Variants in THADA observed in about 807,000 individuals in gnomAD.
THADA encodes tRNA (32-2'-O)-methyltransferase regulator THADA.
Under a neutral mutation model 219.8 loss-of-function variants are expected in THADA, and 213 were observed. The ratio of observed to expected loss-of-function variants is 0.97; its 90% CI spans 0.87 to 1.09. THADA has a LOEUF of 1.09. Among genes scored for constraint, THADA ranks in the 50% least tolerant of loss-of-function variants. The probability of loss-of-function intolerance (pLI) is 0.00; values close to 1 mark genes in which losing one functional copy is unlikely to be tolerated. For synonymous variants in THADA, 1,018 were observed against 828.9 expected (o/e 1.23, Z -3.92); for missense variants, 2,956 against 2,311.3 (o/e 1.28, Z -5.72).
At chr2:43,403,770 C>A (rs1675170169) in intron 28 of THADA, among the ~76,000 whole-genome samples, 1 of 152,128 alleles carries the variant, frequency 6.6e-6, no homozygotes, top group Admixed American at 6.5e-5. Context: ...AAGCGGTTTG[C>A]ATCTTCAGAG....
chr2:43,404,692 G>A (rs989989640), intron 28 of THADA, among the ~76,000 whole-genome samples: 1 of 152,114 alleles, frequency 6.6e-6, no homozygotes, highest in Non-Finnish European at 1.5e-5. Flanking sequence ...CAGAAACAGG[G>A]TCTTCATAGT....
chr2:43,375,899 C>G (rs1671317146), intron 29 of THADA, among the ~76,000 whole-genome samples: 1 of 152,138 alleles, frequency 6.6e-6, no homozygotes, highest in African/African-American at 2.4e-5. Flanking sequence ...CACAAACATG[C>G]AAAAGCATTT....
chr2:43,334,136 G>A (rs1016823967), intron 30 of THADA, among the ~76,000 whole-genome samples: 1 of 152,126 alleles, frequency 6.6e-6, no homozygotes, highest in Admixed American at 6.5e-5. Context: ...AAATCCACAG[G>A]CCCTTCAGGA....
intron 26 of THADA, among the ~76,000 whole-genome samples, chr2:43,459,816 G>A (rs117650639): frequency 1.3e-5 from 2 of 152,236 alleles, no homozygotes; most frequent in East Asian, 3.9e-4. Context: ...CACTACTGTA[G>A]ACTTGTTTTT....
At chr2:43,296,060 C>T (rs112342281) in intron 31 of THADA, among the ~76,000 whole-genome samples, 2,136 of 151,798 alleles carry the variant, frequency 0.014, 39 homozygotes, top group African/African-American at 0.046. Flanking sequence ...GCTGGGATTA[C>T]AGGAGCATGC....
At chr2:43,406,923 C>T (rs563331002) in intron 28 of THADA, among the ~76,000 whole-genome samples, 1 of 152,306 alleles carries the variant, frequency 6.6e-6, no homozygotes, top group Admixed American at 6.5e-5. Context: ...TTGCACATTC[C>T]TCCCAATCGC....
intron 17 of THADA, among the ~76,000 whole-genome samples, chr2:43,555,668 C>T (rs779394936): frequency 5.3e-5 from 8 of 152,116 alleles, no homozygotes; most frequent in South Asian, 2.1e-4. Flanking sequence ...ACCAGAACTA[C>T]CCATGGCCTC....
chr2:43,291,846 C>T, intron 33 of THADA, 78 bp from the exon 34 acceptor site: 2 of 1,306,050 alleles, frequency 1.5e-6, no homozygotes, highest in Non-Finnish European at 2.1e-6. Flanking sequence ...TGCAGATAGT[C>T]TGTAATCCAT....
chr2:43,312,435 G>A (rs1013649815), intron 31 of THADA, among the ~76,000 whole-genome samples: 2 of 152,124 alleles, frequency 1.3e-5, no homozygotes, highest in Non-Finnish European at 2.9e-5. Flanking sequence ...GTAACCTTGG[G>A]TAAGTCACTT....
rs1276590169 is a variant in THADA, at chr2:43,397,885, C to A, written c.4227+86G>T. On this transcript the variant is annotated intron_variant, in intron 29 of 37. Coordinates refer to ENST00000405975, the MANE Select transcript of THADA (RefSeq NM_022065.5). ...CAGATAAAGTTAAGAGGCTGTGTAT[C>A]AAATCTTCACCAGCTAACAGTACAT... is the stretch of plus-strand genomic sequence containing the variant. 3.5e-6 allele frequency: 5 copies of A among 1,410,364 alleles called. No individual in the cohort carries two copies. In the South Asian group the frequency reaches 4.1e-5, roughly 12 times the overall value. The allele number at this position is 1,410,364 out of a possible 1,614,324, so 87.4% of individuals were successfully genotyped here. A position where few individuals can be genotyped will look rare whatever the true frequency, so the allele number is the denominator to read the frequency against.
At chr2:43,292,580 G>A (rs529176130) in intron 32 of THADA, among the ~76,000 whole-genome samples, 1 of 152,302 alleles carries the variant, frequency 6.6e-6, no homozygotes, top group East Asian at 1.9e-4. Context: ...ACATCCCAAA[G>A]TGGTTTGCTC....
At position 43,398,143 on chromosome 2, in the gene THADA, G is replaced by T. The variant is rs1348669717; in HGVS notation, c.4059-4C>A. The T allele has an allele frequency of 1.9e-6, 3 of 1,613,044 alleles. No homozygotes were observed. The African/African-American group carries it at 4.0e-5, about 22-fold the overall frequency. ...GTAGACAGGTGAGTGACCACACCTG[G>T]GGAGAAATAAAAACACAAGACCATT... On this transcript the variant is annotated splice_polypyrimidine_tract_variant and splice_region_variant and intron_variant, in intron 28 of 37. Transcript: ENST00000405975.
chr2:43,355,322 A>G (rs1475392354), intron 29 of THADA, among the ~76,000 whole-genome samples: 1 of 152,186 alleles, frequency 6.6e-6, no homozygotes, highest in Non-Finnish European at 1.5e-5. Context: ...TGTTCTCCAC[A>G]GTGATTGTAC....
At position 43,260,745 on chromosome 2, in the gene THADA, G is replaced by A. The variant is rs532925268; in HGVS notation, c.5296+19020C>T. On this transcript the variant is annotated intron_variant, in intron 36 of 37. Coordinates refer to ENST00000405975, the MANE Select transcript of THADA (RefSeq NM_022065.5). ...GTGCTTGCAATTTGGTCAGAATGTGGCCTAGGAAGATTTCTTTATGAAATG... is the reference window on the plus strand; with the variant it reads ...GTGCTTGCAATTTGGTCAGAATGTGACCTAGGAAGATTTCTTTATGAAATG... 1.0e-3 allele frequency among the ~76,000 whole-genome samples: 153 copies of A among 152,264 alleles called. 1 individual carries two copies. Among genetic ancestry groups the A allele is most frequent in the African/African-American group, 3.5e-3 (146 of 41,532 alleles).
At chr2:43,566,844 C>T (rs1012964044) in intron 14 of THADA, 23 bp from the exon 15 acceptor site, 10 of 1,129,642 alleles carry the variant, frequency 8.9e-6, no homozygotes, top group Non-Finnish European at 1.2e-5. Flanking sequence ...AAAAAAATTA[C>T]AGTAAGTATA....
At chr2:43,236,833 G>A (rs763284603) in intron 36 of THADA, among the ~76,000 whole-genome samples, 16 of 151,086 alleles carry the variant, frequency 1.1e-4, no homozygotes, top group Non-Finnish European at 1.9e-4. Context: ...AGGCCGAGGC[G>A]GGTGGATCAT....
chr2:43,369,756 G>A (rs559935225), intron 29 of THADA, among the ~76,000 whole-genome samples: 64 of 152,290 alleles, frequency 4.2e-4, no homozygotes, highest in South Asian at 8.3e-4. Context: ...AAATCTTCCT[G>A]TTTTTGTCAG....
At chr2:43,468,123 AT>A in intron 26 of THADA, among the ~76,000 whole-genome samples, 1 of 152,200 alleles carries the variant, frequency 6.6e-6, no homozygotes, top group African/African-American at 2.4e-5. Flanking sequence ...TATCCAGGAT[AT>A]TTTTTGTTGT....
chr2:43,586,772 C>T (rs755607634), intron 5 of THADA, 38 bp from the exon 6 acceptor site: 15 of 1,610,042 alleles, frequency 9.3e-6, no homozygotes, highest in Admixed American at 6.8e-5. Flanking sequence ...AGGAGTTTCA[C>T]GACCAAAATC....
Sources: allele counts gnomAD v4.1 joint callset (sites outside exome capture counted in the v4.1 genomes callset), GRCh38; gene constraint gnomAD v4.1.1; transcripts MANE v1.5; gene names NCBI Gene and HGNC (gene_info 2026-07-23, HGNC 2026-07-21).